PARP8: variants seen among roughly 807,000 people sequenced by gnomAD.
The protein encoded by PARP8 is poly(ADP-ribose) polymerase family member 8, also known as protein mono-ADP-ribosyltransferase PARP8.
Under a neutral mutation model 124.1 loss-of-function variants are expected in PARP8, and 51 were observed. The ratio of observed to expected loss-of-function variants is 0.41; its 90% CI spans 0.33 to 0.52. The LOEUF (loss-of-function observed/expected upper bound fraction) is 0.52, where lower values mean the gene tolerates loss of function less well. PARP8 is among the 20% of genes least tolerant of loss of function. The probability of loss-of-function intolerance (pLI) is 0.21; values close to 1 mark genes in which losing one functional copy is unlikely to be tolerated. For synonymous variants in PARP8, 391 were observed against 361.5 expected (o/e 1.08, Z -0.93); for missense variants, 860 against 1,018.9 (o/e 0.84, Z 2.12).
intron 2 of PARP8, among the ~76,000 whole-genome samples, chr5:50,670,521 TAAG>T (rs1749887784): frequency 6.6e-6 from 1 of 152,250 alleles, no homozygotes; most frequent in Non-Finnish European, 1.5e-5. Context: ...CTGTGGATAA[TAAG>T]AAATGCCAAG....
chr5:50,720,566 C>T (rs1404954246), intron 2 of PARP8, among the ~76,000 whole-genome samples: 1 of 151,994 alleles, frequency 6.6e-6, no homozygotes, highest in Non-Finnish European at 1.5e-5. Context: ...GAAGCTGTGG[C>T]AGAATACTTT....
chr5:50,834,621 G>A (rs780663086), intron 24 of PARP8, among the ~76,000 whole-genome samples: 11 of 152,094 alleles, frequency 7.2e-5, no homozygotes, highest in Non-Finnish European at 1.6e-4. Flanking sequence ...TCAACACACG[G>A]TAGTTATATA....
At chr5:50,803,968 C>T (rs780513812) in intron 14 of PARP8, among the ~76,000 whole-genome samples, 34 of 152,186 alleles carry the variant, frequency 2.2e-4, no homozygotes, top group Non-Finnish European at 4.0e-4. Context: ...AGCCTTCATT[C>T]CTGCTTGTAC....
intron 25 of PARP8, among the ~76,000 whole-genome samples, chr5:50,837,984 A>G (rs573103593): frequency 6.6e-6 from 1 of 152,040 alleles, no homozygotes; most frequent in South Asian, 2.1e-4. Context: ...CTTGAAACGC[A>G]TGTGTACTAG....
chr5:50,696,725 AATC>A (rs1238244978), intron 2 of PARP8, among the ~76,000 whole-genome samples: 1 of 151,886 alleles, frequency 6.6e-6, no homozygotes, highest in Non-Finnish European at 1.5e-5. Context: ...CGCCATCCCT[AATC>A]ACTTCTCAGG....
intron 10 of PARP8, among the ~76,000 whole-genome samples, chr5:50,790,648 G>T (rs1204383354): frequency 6.6e-6 from 1 of 152,060 alleles, no homozygotes; most frequent in Non-Finnish European, 1.5e-5. Context: ...ACCCTTAGTG[G>T]CTTCTGGGTA....
chr5:50,668,082 T>A lies in PARP8; in HGVS notation c.103T>A (p.Ser35Thr). 6.2e-7 allele frequency: 1 copy of A among 1,612,108 alleles called. No individual in the cohort carries two copies. Among genetic ancestry groups the A allele is most frequent in the Non-Finnish European group, 8.5e-7 (1 of 1,179,954 alleles). ...ACTTTCTGTTTCAGATTTCAGATAC[T>A]CTGACTCCACCTTTACTTTTACCTA... ...KDCLFADFRY[S>T]DSTFTFTYVG... The change falls in exon 2 of 26, where the codon TCT becomes ACT. Residue 35 changes from serine (S) to threonine (T), a missense_variant. Ser to Thr is a moderately conservative substitution (Grantham distance 58). Coordinates refer to ENST00000281631, the MANE Select transcript of PARP8 (RefSeq NM_024615.4).
At chr5:50,816,701 G>C (rs185908222) in intron 15 of PARP8, among the ~76,000 whole-genome samples, 1 of 151,926 alleles carries the variant, frequency 6.6e-6, no homozygotes, top group Non-Finnish European at 1.5e-5. Flanking sequence ...CTATAGCTTC[G>C]TATTTCCCCC....
chr5:50,783,555 A>G (rs1473599919), intron 9 of PARP8, among the ~76,000 whole-genome samples: 2 of 152,164 alleles, frequency 1.3e-5, no homozygotes, highest in African/African-American at 2.4e-5. Flanking sequence ...ACTAATATAT[A>G]CTATAGTATA....
chr5:50,844,091 C>T lies in PARP8; in HGVS notation c.*2023C>T, dbSNP rs543772957. 1.5e-4 allele frequency: 23 copies of T among 151,800 alleles called. No homozygotes were observed. The East Asian group carries it at 3.3e-3, about 22-fold the overall frequency. 9.4% of individuals were successfully genotyped at this position (151,800 alleles called of 1,614,324 possible). On this transcript the variant is annotated 3_prime_UTR_variant, in exon 26 of 26. Coordinates refer to ENST00000281631, the MANE Select transcript of PARP8 (RefSeq NM_024615.4). ...TGGAGTCTGAACTGGAACGGTAACT[C>T]GTAAGACTCAAGAAAGACCGTTTAA...
chr5:50,783,035 C>A (rs1414075252), intron 9 of PARP8, among the ~76,000 whole-genome samples: 1 of 152,008 alleles, frequency 6.6e-6, no homozygotes, highest in Non-Finnish European at 1.5e-5. Context: ...AGGAGTTGCT[C>A]TGTAGGAGTT....
rs187500854 is a variant in PARP8 at position 50,817,860 on chromosome 5, T to G, written c.1668+2336T>G. Among the ~76,000 whole-genome samples the G allele has an allele frequency of 3.3e-4, 50 of 152,240 alleles. 1 individual carries two copies. In the East Asian group the frequency reaches 7.0e-3, roughly 21 times the overall value. On this transcript the variant is annotated intron_variant, in intron 15 of 25. Coordinates refer to ENST00000281631, the MANE Select transcript of PARP8 (RefSeq NM_024615.4). Reference sequence around the variant, plus strand: ...CTCATTTGCCTGAAAGGGGTGTGTGTGGGGAGGGTTGCTCTGCCAGTTGAA... The same window carrying G: ...CTCATTTGCCTGAAAGGGGTGTGTGGGGGGAGGGTTGCTCTGCCAGTTGAA...
At chr5:50,823,075 G>A (rs1480583865) in intron 17 of PARP8, among the ~76,000 whole-genome samples, 5 of 152,168 alleles carry the variant, frequency 3.3e-5, no homozygotes, top group Admixed American at 1.3e-4. Context: ...GATTGACAAC[G>A]CACATTATGT....
At chr5:50,783,982 A>G (rs888355947) in intron 9 of PARP8, among the ~76,000 whole-genome samples, 1 of 152,232 alleles carries the variant, frequency 6.6e-6, no homozygotes, top group African/African-American at 2.4e-5. Flanking sequence ...GATATTTACA[A>G]AAAGTTGATA....
intron 2 of PARP8, among the ~76,000 whole-genome samples, chr5:50,709,955 T>TATATATATACAC (rs149858890): frequency 0.02 from 2,092 of 102,820 alleles, 52 homozygotes; most frequent in Non-Finnish European, 0.032. Flanking sequence ...TATATATATA[T>TATATATATACAC]ACACATACAT....
At chr5:50,786,106 C>T (rs1741216716) in intron 9 of PARP8, among the ~76,000 whole-genome samples, 1 of 151,636 alleles carries the variant, frequency 6.6e-6, no homozygotes, top group Non-Finnish European at 1.5e-5. Context: ...TCAGTTTGGA[C>T]CCTAACACTC....
intron 12 of PARP8, among the ~76,000 whole-genome samples, 193 bp from the exon 13 acceptor site, chr5:50,796,789 G>A (rs188930623): frequency 6.6e-6 from 1 of 152,126 alleles, no homozygotes; most frequent in Non-Finnish European, 1.5e-5. Flanking sequence ...AATTGCATTA[G>A]TAATGGTAGA....
At chr5:50,802,556 C>G (rs1173931467) in intron 14 of PARP8, among the ~76,000 whole-genome samples, 2 of 152,132 alleles carry the variant, frequency 1.3e-5, no homozygotes, top group African/African-American at 4.8e-5. Context: ...GTCCTGGCCT[C>G]AAATGATTCT....
intron 9 of PARP8, among the ~76,000 whole-genome samples, chr5:50,782,448 A>G (rs950077687): frequency 1.3e-5 from 2 of 152,328 alleles, no homozygotes; most frequent in Admixed American, 6.5e-5. Context: ...ATGTGCAGTA[A>G]TGTATAATAT....
Sources: allele counts gnomAD v4.1 joint callset (sites outside exome capture counted in the v4.1 genomes callset), GRCh38; gene constraint gnomAD v4.1.1; transcripts MANE v1.5; gene names NCBI Gene and HGNC (gene_info 2026-07-23, HGNC 2026-07-21).